Variants in SEL1L2 observed in about 807,000 individuals in gnomAD.
The protein encoded by SEL1L2 is protein sel-1 homolog 2.
A neutral mutation model predicts 98.8 loss-of-function variants in SEL1L2; 89 were observed. That is an observed-to-expected ratio of 0.90 (90% CI 0.76 to 1.07). SEL1L2 has a LOEUF of 1.07. Among genes scored for constraint, SEL1L2 ranks in the 50% least tolerant of loss-of-function variants. The pLI is 0.00. For synonymous variants in SEL1L2, 262 were observed against 278.5 expected (o/e 0.94, Z 0.59); for missense variants, 788 against 812.0 (o/e 0.97, Z 0.36).
intron 2 of SEL1L2, among the ~76,000 whole-genome samples, chr20:13,933,394 A>G (rs1217760214): frequency 6.6e-6 from 1 of 152,092 alleles, no homozygotes; most frequent in Non-Finnish European, 1.5e-5. Context: ...AAAACCACAA[A>G]TCCTTTAGCT....
At chr20:13,973,072 CCTGT>C (rs1286740040) in intron 1 of SEL1L2, among the ~76,000 whole-genome samples, 4 of 152,044 alleles carry the variant, frequency 2.6e-5, no homozygotes, top group East Asian at 1.9e-4. Context: ...GTATCACCTC[CCTGT>C]CTGTTTGTAT....
intron 2 of SEL1L2, among the ~76,000 whole-genome samples, chr20:13,938,978 A>G (rs2049590635): frequency 6.7e-6 from 1 of 150,266 alleles, no homozygotes; most frequent in Non-Finnish European, 1.5e-5. Context: ...GGAAATCAGT[A>G]AACATCATTT....
rs763719544 is a variant in SEL1L2 at position 13,990,442 on chromosome 20, C to T, written c.58+35G>A. 6.3e-6 allele frequency: 9 copies of T among 1,438,440 alleles called. No homozygotes were observed. In the Admixed American group the frequency reaches 1.5e-4, roughly 24 times the overall value. 89.1% of individuals were successfully genotyped at this position (1,438,440 alleles called of 1,614,324 possible). On this transcript the variant is annotated intron_variant, in intron 1 of 19. Transcript: ENST00000284951. ...GCGCTGTTTGAGCAAAGAGAAGAGA[C>T]CCTCATAGAGAACTCTAAGGACAAA...
At chr20:13,980,607 G>A (rs2051766347) in intron 1 of SEL1L2, among the ~76,000 whole-genome samples, 1 of 152,144 alleles carries the variant, frequency 6.6e-6, no homozygotes, top group Admixed American at 6.5e-5. Context: ...AAAAGAATTG[G>A]CATATGATCC....
intron 17 of SEL1L2, among the ~76,000 whole-genome samples, chr20:13,859,860 C>A (rs746745994): frequency 6.6e-6 from 1 of 152,122 alleles, no homozygotes; most frequent in Non-Finnish European, 1.5e-5. Flanking sequence ...CCACCATGCC[C>A]GGCTAACTTT....
At chr20:13,876,302 T>G (rs759487412) in intron 11 of SEL1L2, among the ~76,000 whole-genome samples, 187 bp from the exon 12 acceptor site, 2 of 152,140 alleles carry the variant, frequency 1.3e-5, no homozygotes, top group Non-Finnish European at 2.9e-5. Flanking sequence ...TTACCTCAAT[T>G]TAAAACAAGA....
chr20:13,976,034 G>A (rs1484007255), intron 1 of SEL1L2, among the ~76,000 whole-genome samples: 3 of 151,614 alleles, frequency 2.0e-5, no homozygotes, highest in Non-Finnish European at 2.9e-5. Context: ...ACAGAGTCTC[G>A]CTCTGTTGCC....
chr20:13,933,659 A>G (rs1446867780), intron 2 of SEL1L2, among the ~76,000 whole-genome samples: 1 of 152,198 alleles, frequency 6.6e-6, no homozygotes, highest in Non-Finnish European at 1.5e-5. Flanking sequence ...TCAGGGACCC[A>G]AGCAGATATT....
At chr20:13,886,784 A>G (rs1296404330) in intron 8 of SEL1L2, among the ~76,000 whole-genome samples, 1 of 152,058 alleles carries the variant, frequency 6.6e-6, no homozygotes, top group Admixed American at 6.6e-5. Flanking sequence ...GATACCTGGG[A>G]AGCTGAGGCA....
chr20:13,991,439 C>G (rs376045825), upstream of SEL1L2, among the ~76,000 whole-genome samples: 31 of 152,200 alleles, frequency 2.0e-4, no homozygotes, highest in Middle Eastern at 3.4e-3. Flanking sequence ...ATTCCAAAAC[C>G]ATTCTTACAG....
chr20:13,899,916 T>G (rs2047593759), intron 5 of SEL1L2, among the ~76,000 whole-genome samples: 1 of 152,226 alleles, frequency 6.6e-6, no homozygotes, highest in Non-Finnish European at 1.5e-5. Flanking sequence ...CGCTAAAATT[T>G]TATTTAGAAA....
At chr20:13,854,163 TTTATTTTTGACA>T (rs1467907750) in intron 18 of SEL1L2, among the ~76,000 whole-genome samples, 1 of 152,258 alleles carries the variant, frequency 6.6e-6, no homozygotes, top group Non-Finnish European at 1.5e-5. Flanking sequence ...CATAATCATT[TTTATTTTTGACA>T]GGTCTATTGA....
intron 2 of SEL1L2, among the ~76,000 whole-genome samples, chr20:13,952,752 G>A (rs992893554): frequency 1.4e-5 from 1 of 71,196 alleles, no homozygotes; most frequent in African/African-American, 3.5e-5. Flanking sequence ...CTCCTTGGCT[G>A]GGCGCGGTGC....
chr20:13,868,514 C>A (rs930165828), intron 14 of SEL1L2, among the ~76,000 whole-genome samples: 8 of 152,118 alleles, frequency 5.3e-5, no homozygotes, highest in Admixed American at 4.6e-4. Context: ...TCCGTTCATG[C>A]CGTTGGCATG....
intron 15 of SEL1L2, among the ~76,000 whole-genome samples, chr20:13,866,040 C>A (rs1267718875): frequency 2.6e-5 from 4 of 151,992 alleles, no homozygotes; most frequent in Non-Finnish European, 5.9e-5. Flanking sequence ...CCTTATGTAA[C>A]CAAAAGAGGT....
At chr20:13,853,267 T>A in intron 18 of SEL1L2, among the ~76,000 whole-genome samples, 1 of 152,092 alleles carries the variant, frequency 6.6e-6, no homozygotes, top group Non-Finnish European at 1.5e-5. Flanking sequence ...GGCAGGCTTT[T>A]GGCTTACTGC....
intron 5 of SEL1L2, among the ~76,000 whole-genome samples, chr20:13,901,643 T>A (rs912900904): frequency 1.8e-4 from 27 of 151,860 alleles, no homozygotes; most frequent in Non-Finnish European, 2.2e-4. Context: ...ATCTTTTTTT[T>A]AAATTTTTTT....
chr20:13,870,878 G>A (rs1172556992), intron 12 of SEL1L2, among the ~76,000 whole-genome samples: 1 of 144,304 alleles, frequency 6.9e-6, no homozygotes, highest in Non-Finnish European at 1.5e-5. Context: ...AGCCGAGATT[G>A]CGCCACTTCA....
intron 5 of SEL1L2, among the ~76,000 whole-genome samples, chr20:13,907,820 T>G (rs1424678690): frequency 1.3e-5 from 2 of 151,264 alleles, no homozygotes; most frequent in African/African-American, 4.9e-5. Flanking sequence ...CAGGCTGGAG[T>G]GTAGTGACAT....
Sources: allele counts gnomAD v4.1 joint callset (sites outside exome capture counted in the v4.1 genomes callset), GRCh38; gene constraint gnomAD v4.1.1; transcripts MANE v1.5; gene names NCBI Gene and HGNC (gene_info 2026-07-23, HGNC 2026-07-21).